The following IFIH1 variants were observed in gnomAD, a reference collection of about 807,000 sequenced individuals.
IFIH1 encodes interferon-induced helicase C domain-containing protein 1.
IFIH1 carries 125 observed loss-of-function variants against 107.4 expected under a neutral mutation model. That is an observed-to-expected ratio of 1.16 (90% confidence interval 1.01 to 1.35). The LOEUF (loss-of-function observed/expected upper bound fraction) is 1.35. Among genes scored for constraint, IFIH1 ranks in the 40% most tolerant of loss-of-function variants. IFIH1 has a pLI of 0.00. For missense variants in IFIH1, 1,333 were observed against 1,213.7 expected (o/e 1.10, Z -1.46); for synonymous variants, 458 against 413.2 (o/e 1.11, Z -1.31).
chr2:162,272,352 G>A lies in IFIH1; in HGVS notation c.2490C>T (p.Tyr830=), dbSNP rs535643698. 84 of 1,612,960 alleles carry A rather than the reference G, an allele frequency of 5.2e-5. No homozygotes were observed. The highest frequency in any genetic ancestry group is 3.3e-4 in the South Asian group (30 of 91,060). ...RGRARADEST[Y]VLVAHSGSGV... ...CTGAACCACTGTGAGCAACCAGGAC[G>A]TAGGTGCTCTCATCAGCTCTGGCTC... The change falls in exon 13 of 16, where the codon TAC becomes TAT. Residue 830 remains tyrosine, a synonymous_variant. Transcript: ENST00000649979.
rs1381697381 is a variant in IFIH1, at chr2:162,272,342, C to G, written c.2500G>C (p.Ala834Pro). The G allele has an allele frequency of 1.2e-6, 2 of 1,613,388 alleles. No individual in the cohort carries two copies. The highest frequency in any genetic ancestry group is 1.7e-6 in the Non-Finnish European group (2 of 1,179,680). ...RADESTYVLVAHSGSGVIEHE... is the reference protein window; with the variant it reads ...RADESTYVLVPHSGSGVIEHE... The stretch of plus-strand genomic sequence containing the variant: ...TCGATAACTCCTGAACCACTGTGAG[C>G]AACCAGGACGTAGGTGCTCTCATCA... Residue 834 changes from alanine to proline, a missense_variant, in exon 13 of 16, where the codon GCT becomes CCT. Transcript: ENST00000649979.
rs1454197147 is a variant in IFIH1, at chr2:162,287,085, AAAAT to A, written c.1095+1046_1095+1049del. On this transcript the variant is annotated intron_variant, in intron 5 of 15. Coordinates refer to ENST00000649979, the MANE Select transcript of IFIH1 (RefSeq NM_022168.4). Reference sequence around the variant, plus strand: ...ATTTGAATGTGTCACCATTACCAGCAAAATAAATAAAAGTGTTTTAATAGTAAGT... The same window carrying A: ...ATTTGAATGTGTCACCATTACCAGCAAAATAAAAGTGTTTTAATAGTAAGT... Among the ~76,000 whole-genome samples, 3 of 151,950 alleles carry A rather than the reference AAAAT, an allele frequency of 2.0e-5. No homozygotes were observed. The East Asian group carries it at 5.8e-4, about 29-fold the overall frequency.
At chr2:162,305,277 C>A (rs1247593182) in intron 3 of IFIH1, among the ~76,000 whole-genome samples, 1 of 151,998 alleles carries the variant, frequency 6.6e-6, no homozygotes, top group East Asian at 1.9e-4. Flanking sequence ...TATCTAAGTA[C>A]AAAATAACAA....
rs1231638178 is a variant in IFIH1, at chr2:162,317,880, A to C, written c.428T>G (p.Leu143Arg). The part of the protein sequence containing the change: ...DVLDKCMEEE[L>R]LTIEDRNRIA... ...CCGGTTTCTGTCTTCAATTGTCAACAGTTCCTCCTCCATGCACTTATCCAA... is the reference window on the plus strand; with the variant it reads ...CCGGTTTCTGTCTTCAATTGTCAACCGTTCCTCCTCCATGCACTTATCCAA... Residue 143 changes from leucine to arginine, a missense_variant, in exon 1 of 16, where the codon CTG becomes CGG. Physicochemically the swap from Leu to Arg is moderately radical, Grantham distance 102. Transcript: ENST00000649979. 1 of 1,593,716 alleles carries C rather than the reference A, an allele frequency of 6.3e-7. No homozygotes were observed. The highest frequency in any genetic ancestry group is 8.5e-7 in the Non-Finnish European group (1 of 1,170,772).
rs1032927565 is a variant in IFIH1, at chr2:162,281,560, CAA to C, written c.1307-17_1307-16del. 1.9e-6 allele frequency: 3 copies of C among 1,566,714 alleles called. No homozygotes were observed. Among genetic ancestry groups the C allele is most frequent in the Admixed American group, 1.7e-5 (1 of 57,554 alleles). ...GAGGGAAAAGTCTTAAAAGAAAATTCAAAGAGTTCATTTCTCCATATCAGCAC... is the reference window on the plus strand; with the variant it reads ...GAGGGAAAAGTCTTAAAAGAAAATTCAGAGTTCATTTCTCCATATCAGCAC... On this transcript the variant is annotated splice_polypyrimidine_tract_variant and intron_variant, in intron 6 of 15. Coordinates refer to ENST00000649979, the MANE Select transcript of IFIH1 (RefSeq NM_022168.4).
chr2:162,268,293 AAT>A lies in IFIH1; in HGVS notation c.2617-18_2617-17del. On this transcript the variant is annotated splice_polypyrimidine_tract_variant and intron_variant, in intron 13 of 15. Coordinates refer to ENST00000649979, the MANE Select transcript of IFIH1 (RefSeq NM_022168.4). ...ATTCCAAAATCTGGACAGAGAAAGG[AAT>A]AGTTAGTGGTTTCAGGTTTGTTTTC... 1 of 1,544,460 alleles carries A rather than the reference AAT, an allele frequency of 6.5e-7. No individual in the cohort carries two copies. The highest frequency in any genetic ancestry group is 8.9e-7 in the Non-Finnish European group (1 of 1,126,702).
chr2:162,285,403 G>T (rs1209085422), intron 5 of IFIH1, among the ~76,000 whole-genome samples: 7 of 151,978 alleles, frequency 4.6e-5, no homozygotes, highest in Non-Finnish European at 7.4e-5. Flanking sequence ...ATACCTTGTT[G>T]TTGGGCCAAA....
Position 162,280,047 on chromosome 2 carries a change from GT to G in IFIH1, c.1589del (p.Asn530ThrfsTer26), listed in dbSNP as rs779192156. The G allele has an allele frequency of 9.9e-5, 160 of 1,611,400 alleles. 1 individual carries two copies. The highest frequency in any genetic ancestry group is 1.3e-4 in the Non-Finnish European group (152 of 1,178,244). On this transcript the variant is annotated frameshift_variant, in exon 8 of 16. Transcript: ENST00000649979. LOFTEE classifies it high-confidence loss of function. The part of the protein sequence containing the change: ...TVKENLDQLK[N>X]QIQEPCKKFA... The stretch of plus-strand genomic sequence containing the variant: ...ACTTCTTGCATGGCTCCTGTATTTG[GT>G]TTTTCAGTTGATCAAGGTTTTCTTT...
At position 162,310,849 on chromosome 2, in the gene IFIH1, C is replaced by T; in HGVS notation, c.538G>A (p.Ala180Thr). 1 of 1,613,406 alleles carries T rather than the reference C, an allele frequency of 6.2e-7. No individual in the cohort carries two copies. Among genetic ancestry groups the T allele is most frequent in the Non-Finnish European group, 8.5e-7 (1 of 1,179,490 alleles). ...RIVQKENWFSAFLNVLRQTGN... is the reference protein window; with the variant it reads ...RIVQKENWFSTFLNVLRQTGN... ...GTTTGACGAAGAACATTCAGAAATG[C>T]AGAGAACCAGTTTTCTTTCTGCACA... The change falls in exon 2 of 16, where the codon GCA becomes ACA. Residue 180 changes from alanine to threonine, a missense_variant. Physicochemically the swap from Ala to Thr is moderately conservative, Grantham distance 58. Coordinates refer to ENST00000649979, the MANE Select transcript of IFIH1 (RefSeq NM_022168.4).
intron 4 of IFIH1, among the ~76,000 whole-genome samples, chr2:162,289,160 C>T (rs891971941): frequency 6.6e-6 from 1 of 151,818 alleles, no homozygotes; most frequent in Non-Finnish European, 1.5e-5. Flanking sequence ...ATCTTTATTA[C>T]TTCCTTATGT....
chr2:162,286,822 C>T (rs1214165689), intron 5 of IFIH1, among the ~76,000 whole-genome samples: 2 of 151,810 alleles, frequency 1.3e-5, no homozygotes, highest in Non-Finnish European at 2.9e-5. Context: ...CAGGAGAAAG[C>T]TAGTATTTAA....
chr2:162,275,276 G>A (rs1395712652), intron 11 of IFIH1, among the ~76,000 whole-genome samples: 2 of 152,120 alleles, frequency 1.3e-5, no homozygotes, highest in African/African-American at 4.8e-5. Context: ...TTGAACATAG[G>A]CTTTTCATTT....
chr2:162,298,086 G>A (rs1013058349), intron 3 of IFIH1, among the ~76,000 whole-genome samples: 2 of 152,088 alleles, frequency 1.3e-5, no homozygotes, highest in African/African-American at 2.4e-5. Flanking sequence ...GCAAGAGGTT[G>A]AAGGCCTTTT....
chr2:162,278,167 A>G (rs763747250), intron 9 of IFIH1, 38 bp downstream of exon 9: 3 of 1,560,622 alleles, frequency 1.9e-6, no homozygotes, highest in Admixed American at 2.0e-5. Flanking sequence ...TGGTATAAAC[A>G]TGGGATAAAC....
At chr2:162,292,477 GAT>G in intron 4 of IFIH1, among the ~76,000 whole-genome samples, 1 of 151,810 alleles carries the variant, frequency 6.6e-6, no homozygotes, top group Non-Finnish European at 1.5e-5. Flanking sequence ...GTGATAAAAG[GAT>G]ATATGAAAAA....
chr2:162,315,259 C>A (rs112711974), intron 1 of IFIH1, among the ~76,000 whole-genome samples: 13 of 152,308 alleles, frequency 8.5e-5, no homozygotes, highest in Admixed American at 7.8e-4. Flanking sequence ...GTGTTTTCAA[C>A]GCTTATTCCA....
At position 162,280,100 on chromosome 2, in the gene IFIH1, G is replaced by A. The variant is rs1450912776; in HGVS notation, c.1537C>T (p.Leu513Phe). ...EEHILKLCAN[L>F]DAFTIKTVKE... Reference sequence around the variant, plus strand: ...ACAGTTTTAATAGTAAATGCATCAAGATTGGCACATAGCTGGAAAAGAGAC... The same window carrying A: ...ACAGTTTTAATAGTAAATGCATCAAAATTGGCACATAGCTGGAAAAGAGAC... The change falls in exon 8 of 16, where the codon CTT becomes TTT. Residue 513 changes from leucine to phenylalanine, a missense_variant. Coordinates refer to ENST00000649979, the MANE Select transcript of IFIH1 (RefSeq NM_022168.4). The A allele has an allele frequency of 6.4e-7, 1 of 1,554,764 alleles. No homozygotes were observed. Among genetic ancestry groups the A allele is most frequent in the South Asian group, 1.1e-5 (1 of 88,660 alleles).
rs1255172103 is a variant in IFIH1, at chr2:162,267,910, C to T, written c.2807+177G>A. 1.3e-5 allele frequency among the ~76,000 whole-genome samples: 2 copies of T among 152,138 alleles called. 1 individual carries two copies. Among genetic ancestry groups the T allele is most frequent in the Non-Finnish European group, 2.9e-5 (2 of 68,024 alleles). The stretch of plus-strand genomic sequence containing the variant: ...TGGTTCTTACACTTCTCTTTTCCTG[C>T]CCCAGTGCAGTTTATTTAAAACATA... On this transcript the variant is annotated intron_variant, in intron 14 of 15. Coordinates refer to ENST00000649979, the MANE Select transcript of IFIH1 (RefSeq NM_022168.4).
At chr2:162,282,329 T>C (rs1428239689) in intron 6 of IFIH1, 37 bp downstream of exon 6, 4 of 1,312,438 alleles carry the variant, frequency 3.0e-6, no homozygotes, top group Non-Finnish European at 4.3e-6. Context: ...TCAATATTAC[T>C]ATTAATTTTT....
Sources: allele counts gnomAD v4.1 joint callset (sites outside exome capture counted in the v4.1 genomes callset), GRCh38; gene constraint gnomAD v4.1.1; transcripts MANE v1.5; gene names NCBI Gene and HGNC (gene_info 2026-07-23, HGNC 2026-07-21).